Variants in CST8 observed in about 807,000 individuals in gnomAD.
The protein encoded by CST8 is cystatin 8.
CST8 carries 20 observed loss-of-function variants against 11.8 expected under a neutral mutation model. That is an observed-to-expected ratio of 1.70 (90% CI 1.20 to 2.47). The LOEUF is 2.47. Among genes scored for constraint, CST8 ranks in the 30% most tolerant of loss-of-function variants. The pLI is 0.00. For synonymous variants in CST8, 77 were observed against 63.1 expected, an observed-to-expected ratio of 1.22 and a Z score of -1.05; for missense variants, 196 against 167.2, an observed-to-expected ratio of 1.17 and a Z score of -0.95.
downstream of CST8, among the ~76,000 whole-genome samples, chr20:23,499,322 T>C (rs1988131046): frequency 6.6e-6 from 1 of 152,218 alleles, no homozygotes; most frequent in African/African-American, 2.4e-5. Flanking sequence ...TCATTTTCCC[T>C]CTAAACACAG....
downstream of CST8, among the ~76,000 whole-genome samples, chr20:23,496,513 A>AAGATC (rs1988051539): frequency 6.6e-6 from 1 of 152,208 alleles, no homozygotes; most frequent in Non-Finnish European, 1.5e-5. Context: ...GAGGCAGGGC[A>AAGATC]AGATCACAGG....
downstream of CST8, among the ~76,000 whole-genome samples, chr20:23,500,092 G>A (rs1988147569): frequency 6.6e-6 from 1 of 151,760 alleles, no homozygotes; most frequent in Non-Finnish European, 1.5e-5. Context: ...GAGGTGCCAG[G>A]CACATTTTAA....
the CST8 span, among the ~76,000 whole-genome samples, chr20:23,503,782 C>T: frequency 2.0e-5 from 3 of 152,358 alleles, no homozygotes; most frequent in Non-Finnish European, 2.9e-5. Flanking sequence ...GACTGCGCCC[C>T]GCCACTCTCA....
At chr20:23,493,819 A>G (rs1311466147) in intron 3 of CST8, among the ~76,000 whole-genome samples, 3 of 152,218 alleles carry the variant, frequency 2.0e-5, no homozygotes, top group Non-Finnish European at 4.4e-5. Flanking sequence ...TGGTTCTCCA[A>G]TGTGAGCAGG....
chr20:23,506,573 A>C, the CST8 span, among the ~76,000 whole-genome samples: 9 of 152,192 alleles, frequency 5.9e-5, no homozygotes, highest in Non-Finnish European at 1.2e-4. Context: ...GATATTCTGC[A>C]CTAAAACAGC....
rs78983475 is a variant in CST8 at position 23,492,082 on chromosome 20, C to T, written c.231+184C>T. On this transcript the variant is annotated intron_variant, in intron 2 of 3. Transcript: ENST00000246012. The stretch of plus-strand genomic sequence containing the variant: ...GAACACACAGAGCACTTTCTACAAA[C>T]GCTTGCGCTTTTGTTCTAAGTCCTT... 6.8e-3 allele frequency among the ~76,000 whole-genome samples: 1,035 copies of T among 152,330 alleles called. 8 individuals are homozygous for T. Among genetic ancestry groups the T allele is most frequent in the African/African-American group, 0.023 (973 of 41,582 alleles).
At chr20:23,505,231 G>A in the CST8 span, among the ~76,000 whole-genome samples, 2 of 134,430 alleles carry the variant, frequency 1.5e-5, no homozygotes, top group Non-Finnish European at 1.5e-5. Flanking sequence ...TGCAACCTCC[G>A]CCTCCCAGGT....
downstream of CST8, among the ~76,000 whole-genome samples, chr20:23,499,129 A>G (rs928638326): frequency 6.6e-6 from 1 of 152,190 alleles, no homozygotes; most frequent in African/African-American, 2.4e-5. Context: ...CTTGGATGCA[A>G]TACAGTGGGG....
the CST8 span, among the ~76,000 whole-genome samples, chr20:23,502,184 C>T: frequency 1.3e-5 from 2 of 152,314 alleles, no homozygotes; most frequent in Non-Finnish European, 2.9e-5. Context: ...ACAGAAGCCA[C>T]CTAAAAGCCA....
At chr20:23,503,011 C>T in the CST8 span, among the ~76,000 whole-genome samples, 1 of 151,448 alleles carries the variant, frequency 6.6e-6, no homozygotes, top group African/African-American at 2.4e-5. Context: ...TTTAAAGGAG[C>T]AATCATGGAA....
downstream of CST8, among the ~76,000 whole-genome samples, chr20:23,497,415 T>C (rs1325477538): frequency 6.6e-6 from 1 of 152,242 alleles, no homozygotes; most frequent in Non-Finnish European, 1.5e-5. Flanking sequence ...TCCTTTGGCC[T>C]GAGGCTCTTC....
chr20:23,493,835 C>G (rs1300334036), intron 3 of CST8, among the ~76,000 whole-genome samples: 1 of 152,202 alleles, frequency 6.6e-6, no homozygotes, highest in East Asian at 1.9e-4. Flanking sequence ...GCAGGCATCA[C>G]AATCACTTGG....
At position 23,495,964 on chromosome 20, in the gene CST8, A is replaced by T. The variant is rs202124724; in HGVS notation, c.*50A>T. The T allele has an allele frequency of 1.2e-5, 17 of 1,366,860 alleles. No individual in the cohort carries two copies. Among genetic ancestry groups the T allele is most frequent in the Non-Finnish European group, 1.4e-5 (14 of 974,766 alleles). 84.7% of individuals were successfully genotyped at this position (1,366,860 alleles called of 1,614,324 possible). A position where few individuals can be genotyped will look rare whatever the true frequency, so the allele number is the denominator to read the frequency against. On this transcript the variant is annotated 3_prime_UTR_variant, in exon 4 of 4. Coordinates refer to ENST00000246012, the MANE Select transcript of CST8 (RefSeq NM_005492.4). ...CCTCTGTGACTACTTTATCCATGAA[A>T]ATGAAGCAATGGCAGGTGGGAGGCT...
chr20:23,497,059 G>A (rs1042818961), downstream of CST8, among the ~76,000 whole-genome samples: 1 of 152,116 alleles, frequency 6.6e-6, no homozygotes, highest in Non-Finnish European at 1.5e-5. Flanking sequence ...CTCAGCTTAC[G>A]AAAATGACAG....
downstream of CST8, among the ~76,000 whole-genome samples, chr20:23,499,958 G>C (rs1988143187): frequency 6.6e-6 from 1 of 151,900 alleles, no homozygotes; most frequent in Admixed American, 6.6e-5. Flanking sequence ...TTGTGCAGGA[G>C]AGAGAGAGAC....
At chr20:23,494,883 G>A (rs1181564498) in intron 3 of CST8, among the ~76,000 whole-genome samples, 1 of 152,126 alleles carries the variant, frequency 6.6e-6, no homozygotes, top group African/African-American at 2.4e-5. Flanking sequence ...TGTCACAGGG[G>A]TTTGGTGTAC....
At chr20:23,502,962 AT>A in the CST8 span, among the ~76,000 whole-genome samples, 1 of 152,252 alleles carries the variant, frequency 6.6e-6, no homozygotes, top group African/African-American at 2.4e-5. Flanking sequence ...AAAAGAACAA[AT>A]TGCTTTCTAA....
the CST8 span, among the ~76,000 whole-genome samples, chr20:23,506,357 T>C: frequency 6.6e-6 from 1 of 152,180 alleles, no homozygotes; most frequent in Non-Finnish European, 1.5e-5. Context: ...CCTGTAGGTG[T>C]GTGGACAGTG....
chr20:23,495,800 T>A, intron 3 of CST8, 31 bp from the exon 4 acceptor site: 17 of 1,271,930 alleles, frequency 1.3e-5, no homozygotes, highest in Non-Finnish European at 1.8e-5. Flanking sequence ...TTTGGCACTC[T>A]ACTAATTTTT....
Sources: gnomAD v4.1 joint callset for allele counts (sites outside exome capture counted in the v4.1 genomes callset) on GRCh38, gnomAD v4.1.1 for gene constraint, MANE v1.5 for transcripts, NCBI Gene and HGNC (gene_info 2026-07-23, HGNC 2026-07-21) for gene names.